TSPEAR: variants seen among roughly 807,000 people sequenced by gnomAD.
The protein encoded by TSPEAR is thrombospondin-type laminin G domain and EAR repeat-containing protein.
TSPEAR carries 69 observed loss-of-function variants against 71.6 expected under a neutral mutation model. The ratio of observed to expected loss-of-function variants is 0.96; its 90% CI spans 0.79 to 1.18. The LOEUF (loss-of-function observed/expected upper bound fraction) is 1.18. Ranked by LOEUF, TSPEAR falls within the 50% of genes most tolerant of loss-of-function variation. The pLI, the probability that TSPEAR is intolerant of heterozygous loss-of-function variation, is 0.00. For synonymous variants in TSPEAR, 402 were observed against 387.2 expected (o/e 1.04, Z -0.45); for missense variants, 971 against 894.9 (o/e 1.09, Z -1.09).
chr21:44,627,867 C>T (rs376717374), intron 1 of TSPEAR: 2 of 1,613,460 alleles, frequency 1.2e-6, no homozygotes, highest in Non-Finnish European at 1.7e-6. Context: ...CCTCTGTGTC[C>T]CTCCTCTGCC....
At chr21:44,696,668 T>G (rs59408274) in intron 1 of TSPEAR, among the ~76,000 whole-genome samples, 7,038 of 152,296 alleles carry the variant, frequency 0.046, 220 homozygotes, top group Admixed American at 0.059. Flanking sequence ...CATCCTTGAC[T>G]CAACTGAGTG....
chr21:44,627,977 C>A (rs1555934932), intron 1 of TSPEAR: 1 of 1,529,392 alleles, frequency 6.5e-7, no homozygotes, highest in East Asian at 2.4e-5. Flanking sequence ...TCCTGTGTGT[C>A]CCTTCTCTGC....
intron 1 of TSPEAR, among the ~76,000 whole-genome samples, chr21:44,683,938 T>G (rs1555948540): frequency 6.6e-6 from 1 of 152,182 alleles, no homozygotes. Context: ...TAGTTAGAAA[T>G]TTTAAATACA....
chr21:44,517,719 C>G (rs1394057870), intron 9 of TSPEAR: 7 of 469,578 alleles, frequency 1.5e-5, no homozygotes, highest in African/African-American at 1.2e-4. Context: ...GCGTCCTTGT[C>G]CTGCGGGGGC....
intron 9 of TSPEAR, among the ~76,000 whole-genome samples, chr21:44,511,449 C>T (rs138903634): frequency 6.6e-6 from 1 of 152,344 alleles, no homozygotes; most frequent in African/African-American, 2.4e-5. Flanking sequence ...GATACACAGG[C>T]CTGCTCATGT....
intron 6 of TSPEAR, 138 bp downstream of exon 6, chr21:44,528,314 A>C: frequency 1.0e-5 from 13 of 1,242,540 alleles, no homozygotes; most frequent in Non-Finnish European, 1.5e-5. Flanking sequence ...TCTCACTCTT[A>C]GAAGTGCCCC....
At chr21:44,516,205 A>G (rs1555913408) in intron 9 of TSPEAR, 1 of 152,326 alleles carries the variant, frequency 6.6e-6, no homozygotes, top group Non-Finnish European at 1.5e-5. Flanking sequence ...GGCTGCCATC[A>G]GCAGGAATTC....
intron 1 of TSPEAR, chr21:44,666,204 G>A (rs587622212): frequency 2.0e-6 from 1 of 507,140 alleles, no homozygotes; most frequent in Admixed American, 3.6e-5. Context: ...GGGGAAAGCT[G>A]GTTTATTTGG....
chr21:44,612,932 C>T lies in TSPEAR; in HGVS notation c.83-44927G>A. On this transcript the variant is annotated intron_variant, in intron 1 of 11. Coordinates refer to ENST00000323084, the MANE Select transcript of TSPEAR (RefSeq NM_144991.3). This position sits in a 1 kb window ranked among gnomAD's most constrained non-coding sequence, Gnocchi z 4.1. ...CTGCTGATGGGCACGTCCCCCAGGGCCAGCCGGCTCCGGTCCTGTCCTGGG... is the reference window on the plus strand; with the variant it reads ...CTGCTGATGGGCACGTCCCCCAGGGTCAGCCGGCTCCGGTCCTGTCCTGGG... The T allele has an allele frequency of 1.3e-6, 2 of 1,594,870 alleles. No individual in the cohort carries two copies. Among genetic ancestry groups the T allele is most frequent in the Non-Finnish European group, 1.7e-6 (2 of 1,173,290 alleles).
chr21:44,675,879 G>A (rs1479287267), intron 1 of TSPEAR: 2 of 717,150 alleles, frequency 2.8e-6, no homozygotes, highest in African/African-American at 1.7e-5. Context: ...TACTCTGGCT[G>A]TACTTGAGTG....
chr21:44,620,298 T>G (rs1260961407), intron 1 of TSPEAR, among the ~76,000 whole-genome samples: 2 of 152,192 alleles, frequency 1.3e-5, no homozygotes, highest in Non-Finnish European at 2.9e-5. Context: ...CTGAAAGATG[T>G]CCCTTACAAG....
rs2051963489 is a variant in TSPEAR at position 44,498,025 on chromosome 21, G to GGTGT, written c.*1754_*1757dup. 6.6e-6 allele frequency: 1 copy of GGTGT among 152,262 alleles called. No individual in the cohort carries two copies. 9.4% of individuals were successfully genotyped at this position (152,262 alleles called of 1,614,324 possible). ...CGGCTGGAGGGGGCAGAGGGAGGAG[G>GGTGT]GTGTGGTCACATGACTGATTGCTCC... is the stretch of plus-strand genomic sequence containing the variant. On this transcript the variant is annotated 3_prime_UTR_variant, in exon 12 of 12. Coordinates refer to ENST00000323084, the MANE Select transcript of TSPEAR (RefSeq NM_144991.3).
intron 1 of TSPEAR, among the ~76,000 whole-genome samples, chr21:44,572,152 A>T (rs2053810323): frequency 6.6e-6 from 1 of 152,244 alleles, no homozygotes; most frequent in Admixed American, 6.5e-5. Context: ...GGAAACCTCA[A>T]GCAAGTCCAC....
chr21:44,514,542 C>T (rs782084164), intron 9 of TSPEAR, among the ~76,000 whole-genome samples: 29 of 152,218 alleles, frequency 1.9e-4, no homozygotes, highest in Non-Finnish European at 3.8e-4. Flanking sequence ...CACAGAAGCA[C>T]CAAGCTTTGG....
chr21:44,567,361 G>C (rs1343463104), intron 2 of TSPEAR, among the ~76,000 whole-genome samples: 1 of 152,200 alleles, frequency 6.6e-6, no homozygotes, highest in African/African-American at 2.4e-5. Context: ...AGGGGACAGA[G>C]ACAAACATTA....
intron 1 of TSPEAR, among the ~76,000 whole-genome samples, chr21:44,629,286 C>A (rs116051116): frequency 1.1e-4 from 16 of 152,156 alleles, no homozygotes; most frequent in African/African-American, 3.9e-4. Flanking sequence ...ACAAAGTCCA[C>A]GGACTGGGGG....
chr21:44,656,313 C>T (rs748767584), intron 1 of TSPEAR, among the ~76,000 whole-genome samples: 1 of 152,242 alleles, frequency 6.6e-6, no homozygotes, highest in Non-Finnish European at 1.5e-5. Context: ...TGGCCTCGTC[C>T]TAGTCAACCT....
chr21:44,700,799 T>C (rs1374627335), intron 1 of TSPEAR, among the ~76,000 whole-genome samples: 1 of 152,222 alleles, frequency 6.6e-6, no homozygotes, highest in Non-Finnish European at 1.5e-5. Flanking sequence ...ATAAAAACAG[T>C]GGCTGACCTT....
At chr21:44,550,697 G>A (rs782045404) in intron 2 of TSPEAR, 3 of 1,613,660 alleles carry the variant, frequency 1.9e-6, no homozygotes, top group African/African-American at 2.7e-5. Context: ...GCCATCAGCA[G>A]CTAGACTTTT....
Sources: allele counts gnomAD v4.1 joint callset (sites outside exome capture counted in the v4.1 genomes callset), GRCh38; gene constraint gnomAD v4.1.1; non-coding constraint Gnocchi (gnomAD v3.1); transcripts MANE v1.5; gene names NCBI Gene and HGNC (gene_info 2026-07-23, HGNC 2026-07-21).